Variants in RGS7 observed in about 807,000 individuals in gnomAD.
RGS7 encodes the protein regulator of G protein signaling 7.
Under a neutral mutation model 81.1 loss-of-function variants are expected in RGS7, and 27 were observed. That is an observed-to-expected ratio of 0.33 (90% CI 0.25 to 0.46). The LOEUF (loss-of-function observed/expected upper bound fraction) is 0.46, where lower values mean the gene tolerates loss of function less well. RGS7 is among the 20% of genes least tolerant of loss of function. RGS7 has a pLI of 1.00. For synonymous variants in RGS7, 208 were observed against 207.7 expected, an observed-to-expected ratio of 1.00 and a Z score of -0.01; for missense variants, 396 against 607.4, an observed-to-expected ratio of 0.65 and a Z score of 3.66.
chr1:241,340,719 C>T (rs923159015), intron 2 of RGS7, among the ~76,000 whole-genome samples: 21 of 151,430 alleles, frequency 1.4e-4, no homozygotes, highest in African/African-American at 3.2e-4. Flanking sequence ...ATAAGAGAAA[C>T]ATTCAAATGG....
intron 3 of RGS7, among the ~76,000 whole-genome samples, chr1:240,994,885 C>T (rs531417033): frequency 5.9e-5 from 9 of 152,042 alleles, no homozygotes; most frequent in East Asian, 1.9e-4. Context: ...GTTGTCCAGC[C>T]AATGATCTCA....
intron 2 of RGS7, among the ~76,000 whole-genome samples, chr1:241,205,220 C>T (rs1157570238): frequency 6.6e-6 from 1 of 150,862 alleles, no homozygotes; most frequent in Non-Finnish European, 1.5e-5. Flanking sequence ...GGAATTACAC[C>T]ACTATGCACA....
At chr1:241,080,996 A>G (rs1393186825) in intron 3 of RGS7, among the ~76,000 whole-genome samples, 1 of 152,084 alleles carries the variant, frequency 6.6e-6, no homozygotes, top group East Asian at 1.9e-4. Flanking sequence ...TTTCTGTCCA[A>G]TATCCTCCCA....
At chr1:240,866,845 G>A (rs564159084) in intron 9 of RGS7, among the ~76,000 whole-genome samples, 24 of 152,232 alleles carry the variant, frequency 1.6e-4, no homozygotes, top group Middle Eastern at 6.8e-3. Flanking sequence ...TGAAATAGAC[G>A]TGGGCAGTGC....
intron 2 of RGS7, among the ~76,000 whole-genome samples, chr1:241,277,969 T>C (rs1344414060): frequency 6.6e-6 from 1 of 152,242 alleles, no homozygotes; most frequent in Admixed American, 6.5e-5. Flanking sequence ...CAAATATCTG[T>C]TTGTCGATTC....
At chr1:240,924,039 G>T (rs758861088) in intron 6 of RGS7, among the ~76,000 whole-genome samples, 1 of 152,114 alleles carries the variant, frequency 6.6e-6, no homozygotes, top group South Asian at 2.1e-4. Flanking sequence ...CTCTTTAGTT[G>T]GTCATAAATC....
chr1:241,070,056 G>A (rs539272590), intron 3 of RGS7, among the ~76,000 whole-genome samples: 1 of 152,286 alleles, frequency 6.6e-6, no homozygotes, highest in Admixed American at 6.5e-5. Flanking sequence ...CTCTGCCTAG[G>A]ATGACACCTC....
chr1:240,868,459 T>C lies in RGS7; in HGVS notation c.609+128A>G. Reference sequence around the variant, plus strand: ...CACAAAAGTGGTGATCTTTTCTTAATGAATTCACCAAGATACCATGGAGCG... The same window carrying C: ...CACAAAAGTGGTGATCTTTTCTTAACGAATTCACCAAGATACCATGGAGCG... On this transcript the variant is annotated intron_variant, in intron 9 of 18. Transcript: ENST00000440928. This position sits in a 1 kb window ranked among gnomAD's most constrained non-coding sequence, Gnocchi z 5.1. 1.3e-6 allele frequency: 1 copy of C among 790,900 alleles called. No individual in the cohort carries two copies. The highest frequency in any genetic ancestry group is 1.8e-5 in the Admixed American group (1 of 54,266). 49.0% of individuals were successfully genotyped at this position (790,900 alleles called of 1,614,324 possible). A position where few individuals can be genotyped will look rare whatever the true frequency, so the allele number is the denominator to read the frequency against.
intron 3 of RGS7, among the ~76,000 whole-genome samples, chr1:241,039,377 G>A (rs748060280): frequency 3.3e-5 from 5 of 152,172 alleles, no homozygotes; most frequent in Non-Finnish European, 5.9e-5. Context: ...TCTGACAGAT[G>A]GCTGCACATC....
At chr1:241,211,950 C>A (rs1263468326) in intron 2 of RGS7, among the ~76,000 whole-genome samples, 1 of 152,130 alleles carries the variant, frequency 6.6e-6, no homozygotes, top group African/African-American at 2.4e-5. Context: ...TAATCAATAT[C>A]ATTACTAACA....
In RGS7 at chr1:241,191,451, A is replaced by C. The variant is rs2072646719; in HGVS notation, c.79-92689T>G. Among the ~76,000 whole-genome samples the C allele has an allele frequency of 3.3e-5, 5 of 152,208 alleles. No individual in the cohort carries two copies. The South Asian group carries it at 1.0e-3, about 31-fold the overall frequency. ...AACAATGAATCATCCTTGCATTTCT[A>C]GAAGAAATCCCACTTTGATTATGAT... On this transcript the variant is annotated intron_variant, in intron 2 of 18. Transcript: ENST00000440928.
At chr1:241,132,924 G>C (rs372541121) in intron 2 of RGS7, among the ~76,000 whole-genome samples, 1 of 151,874 alleles carries the variant, frequency 6.6e-6, no homozygotes, top group Non-Finnish European at 1.5e-5. Context: ...CACCAAGCCC[G>C]GCTAATTTTT....
chr1:240,999,800 G>A (rs528029191), intron 3 of RGS7, among the ~76,000 whole-genome samples: 12 of 151,398 alleles, frequency 7.9e-5, no homozygotes, highest in Admixed American at 2.6e-4. Flanking sequence ...ACGGGGTTTC[G>A]CCATGTCGGC....
chr1:241,200,427 T>G (rs1353565380), intron 2 of RGS7, among the ~76,000 whole-genome samples: 1 of 152,204 alleles, frequency 6.6e-6, no homozygotes, highest in Non-Finnish European at 1.5e-5. Flanking sequence ...ATTCTTCCCA[T>G]GATTTGATCA....
At chr1:241,352,616 CG>C (rs796768862) in intron 2 of RGS7, among the ~76,000 whole-genome samples, 1 of 152,310 alleles carries the variant, frequency 6.6e-6, no homozygotes, top group African/African-American at 2.4e-5. Context: ...AACCCTAATC[CG>C]GATCATGAAG....
Position 240,983,117 on chromosome 1 carries a change from A to G in RGS7, c.188T>C (p.Val63Ala). The G allele has an allele frequency of 6.5e-7, 1 of 1,529,870 alleles. No homozygotes were observed. The highest frequency in any genetic ancestry group is 9.0e-7 in the Non-Finnish European group (1 of 1,109,102). The allele number at this position is 1,529,870 out of a possible 1,614,324, so 94.8% of individuals were successfully genotyped here. ...IPSVFSGSDI[V>A]QWLIKNLTIE... Reference sequence around the variant, plus strand: ...AGTTAAGTTCTTTATCAACCATTGAACAATGTCTGAACCTAGAAAAAGAAA... The same window carrying G: ...AGTTAAGTTCTTTATCAACCATTGAGCAATGTCTGAACCTAGAAAAAGAAA... Residue 63 changes from valine to alanine, a missense_variant, in exon 4 of 19, where the codon GTT becomes GCT. By Grantham distance (64) the Val-to-Ala change is moderately conservative. Transcript: ENST00000440928.
At chr1:240,785,808 G>A (rs1296745905) in intron 18 of RGS7, among the ~76,000 whole-genome samples, 1 of 152,152 alleles carries the variant, frequency 6.6e-6, no homozygotes, top group Non-Finnish European at 1.5e-5. Flanking sequence ...CAATTTAAAT[G>A]AAATCAGTTC....
chr1:240,947,382 T>C (rs1241785500), intron 4 of RGS7, among the ~76,000 whole-genome samples: 2 of 152,158 alleles, frequency 1.3e-5, no homozygotes, highest in Non-Finnish European at 2.9e-5. Flanking sequence ...TGAATAAACA[T>C]CTCAAATTCA....
intron 2 of RGS7, among the ~76,000 whole-genome samples, chr1:241,232,585 C>T (rs766067310): frequency 9.9e-5 from 15 of 151,718 alleles, no homozygotes; most frequent in Non-Finnish European, 1.6e-4. Context: ...GGTGTAAATC[C>T]GCTAACTTTC....
Sources: gnomAD v4.1 joint callset for allele counts (sites outside exome capture counted in the v4.1 genomes callset) on GRCh38, gnomAD v4.1.1 for gene constraint, Gnocchi (gnomAD v3.1) non-coding constraint, MANE v1.5 for transcripts, NCBI Gene and HGNC (gene_info 2026-07-23, HGNC 2026-07-21) for gene names.